GIGYF2: variants seen among roughly 807,000 people sequenced by gnomAD.
GIGYF2 encodes GRB10-interacting GYF protein 2.
Under a neutral mutation model 208.1 loss-of-function variants are expected in GIGYF2, and 25 were observed. The observed-to-expected ratio is 0.12, with a 90% CI of 0.09 to 0.17. GIGYF2 has a LOEUF of 0.17. Ranked by LOEUF, GIGYF2 falls within the 10% of genes least tolerant of loss-of-function variation. The pLI is 1.00. For missense variants in GIGYF2, 1,302 were observed against 1,579.4 expected, an observed-to-expected ratio of 0.82 and a Z score of 2.98; for synonymous variants, 534 against 543.8, an observed-to-expected ratio of 0.98 and a Z score of 0.25.
intron 14 of GIGYF2, among the ~76,000 whole-genome samples, chr2:232,800,816 T>C: frequency 6.6e-6 from 1 of 152,140 alleles, no homozygotes; most frequent in Admixed American, 6.5e-5. Context: ...CTTGGGAGGC[T>C]GAGACCAGAG....
At chr2:232,784,114 C>G (rs567273259) in intron 8 of GIGYF2, among the ~76,000 whole-genome samples, 1 of 152,296 alleles carries the variant, frequency 6.6e-6, no homozygotes, top group African/African-American at 2.4e-5. Flanking sequence ...ATAGGATTTT[C>G]TCATAACATG....
At chr2:232,735,920 C>T (rs952503182) in intron 3 of GIGYF2, 2 of 983,712 alleles carry the variant, frequency 2.0e-6, no homozygotes, top group African/African-American at 3.5e-5. Flanking sequence ...TTTTTCTATT[C>T]AAACCTCGGG....
Position 232,731,198 on chromosome 2 carries a change from A to G in GIGYF2, c.-43-3957A>G, listed in dbSNP as rs541350802. On this transcript the variant is annotated intron_variant, in intron 2 of 28. Transcript: ENST00000373563. Reference sequence around the variant, plus strand: ...GAGCTCCATCTGTATCATTTGTGTTAATAGTGACCCTGGAGTTTTGTACTT... The same window carrying G: ...GAGCTCCATCTGTATCATTTGTGTTGATAGTGACCCTGGAGTTTTGTACTT... The G allele has an allele frequency of 3.9e-5, 6 of 152,314 alleles. 1 individual carries two copies. In the Middle Eastern group the frequency reaches 0.01, roughly 259 times the overall value. The allele number at this position is 152,314 out of a possible 1,614,324, so 9.4% of individuals were successfully genotyped here. A position where few individuals can be genotyped will look rare whatever the true frequency, so the allele number is the denominator to read the frequency against.
chr2:232,804,555 G>A (rs1226488606), intron 14 of GIGYF2, among the ~76,000 whole-genome samples: 7 of 151,914 alleles, frequency 4.6e-5, no homozygotes, highest in East Asian at 1.9e-4. Context: ...GCAGTGGCGC[G>A]ATCTCGGCTC....
intron 6 of GIGYF2, among the ~76,000 whole-genome samples, chr2:232,757,593 C>G (rs1698596727): frequency 6.6e-6 from 1 of 152,100 alleles, no homozygotes; most frequent in Non-Finnish European, 1.5e-5. Flanking sequence ...CTCTGGCCTG[C>G]TGCTTGGGCA....
intron 22 of GIGYF2, among the ~76,000 whole-genome samples, chr2:232,835,630 GTTTA>G (rs988026283): frequency 2.6e-4 from 39 of 152,186 alleles, no homozygotes; most frequent in Admixed American, 5.2e-4. Context: ...TTACTTGTTT[GTTTA>G]TTTGTTTTGT....
Position 232,858,461 on chromosome 2 carries a change from A to G in GIGYF2, c.*1601A>G. ...GATCAAATAGCATGAGGGGAGAGGA[A>G]ACCATTAAAAGTTGGGGCTCCTACT... On this transcript the variant is annotated 3_prime_UTR_variant, in exon 29 of 29. Transcript: ENST00000373563. 1 of 455,592 alleles carries G rather than the reference A, an allele frequency of 2.2e-6. No individual in the cohort carries two copies. The highest frequency in any genetic ancestry group is 1.6e-5 in the South Asian group (1 of 64,332). 28.2% of individuals were successfully genotyped at this position (455,592 alleles called of 1,614,324 possible).
chr2:232,842,030 G>A (rs1390066870), intron 23 of GIGYF2, among the ~76,000 whole-genome samples: 2 of 151,268 alleles, frequency 1.3e-5, no homozygotes, highest in Admixed American at 6.6e-5. Context: ...TTTTTGAGAC[G>A]GGTGTCACTG....
chr2:232,786,023 G>A lies in GIGYF2; in HGVS notation c.533-1127G>A, dbSNP rs115120582. ...ATGAGTTATATATGTTAGCACATGT[G>A]GAATGGTGACTGAAGAATTTGTTTG... is the stretch of plus-strand genomic sequence containing the variant. On this transcript the variant is annotated intron_variant, in intron 8 of 28. Transcript: ENST00000373563. 3.9e-3 allele frequency among the ~76,000 whole-genome samples: 594 copies of A among 152,298 alleles called. 1 individual carries two copies. Among genetic ancestry groups the A allele is most frequent in the African/African-American group, 0.013 (557 of 41,556 alleles).
chr2:232,827,550 A>G (rs1701287968), intron 21 of GIGYF2, among the ~76,000 whole-genome samples: 2 of 152,140 alleles, frequency 1.3e-5, no homozygotes, highest in South Asian at 4.1e-4. Context: ...ATTCATTGTT[A>G]TTCTTTTTAT....
chr2:232,741,106 T>C (rs1429641737), intron 3 of GIGYF2, among the ~76,000 whole-genome samples: 1 of 152,240 alleles, frequency 6.6e-6, no homozygotes, highest in Non-Finnish European at 1.5e-5. Flanking sequence ...CAGCTGCCTA[T>C]CTGATTTTTC....
Position 232,817,042 on chromosome 2 carries a change from T to C in GIGYF2, c.2370+10T>C. The C allele has an allele frequency of 6.2e-7, 1 of 1,600,410 alleles. No homozygotes were observed. Among genetic ancestry groups the C allele is most frequent in the Non-Finnish European group, 8.6e-7 (1 of 1,167,526 alleles). Reference sequence around the variant, plus strand: ...TGCCCGAAGGAAACAGGTATGTATCTGGGAACTCTGACCATAGGATTAGTG... The same window carrying C: ...TGCCCGAAGGAAACAGGTATGTATCCGGGAACTCTGACCATAGGATTAGTG... On this transcript the variant is annotated intron_variant, in intron 20 of 28. Transcript: ENST00000373563.
intron 28 of GIGYF2, 32 bp downstream of exon 28, chr2:232,850,441 G>A (rs540692080): frequency 1.3e-6 from 2 of 1,599,904 alleles, no homozygotes; most frequent in Non-Finnish European, 8.6e-7. Flanking sequence ...GCTGAGTGTT[G>A]GAGGAGTGCA....
intron 21 of GIGYF2, among the ~76,000 whole-genome samples, chr2:232,822,059 A>AG (rs775980933): frequency 6.6e-6 from 1 of 152,024 alleles, no homozygotes; most frequent in Non-Finnish European, 1.5e-5. Context: ...GAAGTAAGTC[A>AG]GTATGTCTTC....
intron 8 of GIGYF2, chr2:232,766,754 T>C (rs1448164581): frequency 6.6e-6 from 1 of 152,278 alleles, no homozygotes; most frequent in African/African-American, 2.4e-5. Context: ...TGTGACTTGC[T>C]GCTGAGCCCT....
At chr2:232,793,397 A>G (rs1380866832) in intron 12 of GIGYF2, among the ~76,000 whole-genome samples, 1 of 152,164 alleles carries the variant, frequency 6.6e-6, no homozygotes, top group African/African-American at 2.4e-5. Flanking sequence ...ACTGGATATC[A>G]GGGTAAAGAA....
chr2:232,847,781 C>T (rs1702071307), intron 27 of GIGYF2, among the ~76,000 whole-genome samples: 1 of 152,192 alleles, frequency 6.6e-6, no homozygotes, highest in Non-Finnish European at 1.5e-5. Context: ...TCATTTTACA[C>T]TAGGTTTACC....
intron 8 of GIGYF2, chr2:232,771,367 G>A: frequency 6.2e-7 from 1 of 1,600,272 alleles, no homozygotes; most frequent in South Asian, 1.1e-5. Flanking sequence ...GTCCATCTCA[G>A]GCTGTATTTC....
intron 2 of GIGYF2, among the ~76,000 whole-genome samples, chr2:232,718,780 A>G (rs189080244): frequency 4.6e-5 from 7 of 152,154 alleles, no homozygotes; most frequent in Non-Finnish European, 1.0e-4. Flanking sequence ...TTCGTTTAGT[A>G]TATGTGGAGA....
Sources: allele counts gnomAD v4.1 joint callset (sites outside exome capture counted in the v4.1 genomes callset), GRCh38; gene constraint gnomAD v4.1.1; transcripts MANE v1.5; gene names NCBI Gene and HGNC (gene_info 2026-07-23, HGNC 2026-07-21).